ACVR1C: variants seen among roughly 807,000 people sequenced by gnomAD.
The protein encoded by ACVR1C is activin A receptor type 1C.
In ACVR1C, 23 loss-of-function variants were observed where a neutral mutation model predicts 57.9. The observed-to-expected ratio is 0.40, with a 90% CI of 0.29 to 0.56. ACVR1C has a LOEUF of 0.56. Ranked by LOEUF, ACVR1C falls within the 20% of genes least tolerant of loss-of-function variation. The pLI, the probability that ACVR1C is intolerant of heterozygous loss-of-function variation, is 0.50. For synonymous variants in ACVR1C, 214 were observed against 215.3 expected (o/e 0.99, Z 0.05); for missense variants, 480 against 607.9 (o/e 0.79, Z 2.21).
At chr2:157,605,635 A>G (rs1342992482) in intron 1 of ACVR1C, among the ~76,000 whole-genome samples, 2 of 151,664 alleles carry the variant, frequency 1.3e-5, no homozygotes, top group African/African-American at 2.4e-5. Flanking sequence ...CTTATAACCT[A>G]TGGACATCCT....
At chr2:157,615,709 T>C (rs570924897) in intron 1 of ACVR1C, among the ~76,000 whole-genome samples, 3 of 152,214 alleles carry the variant, frequency 2.0e-5, no homozygotes, top group Non-Finnish European at 4.4e-5. Flanking sequence ...AAACTTCATG[T>C]AGTATGGAAT....
chr2:157,563,692 C>T (rs192778696), intron 2 of ACVR1C, among the ~76,000 whole-genome samples: 68 of 152,312 alleles, frequency 4.5e-4, no homozygotes, highest in Admixed American at 3.9e-3. Flanking sequence ...AAGCTGGAGA[C>T]ATCATGCTAC....
At chr2:157,566,688 C>G (rs541447434) in intron 2 of ACVR1C, among the ~76,000 whole-genome samples, 1 of 151,622 alleles carries the variant, frequency 6.6e-6, no homozygotes, top group Non-Finnish European at 1.5e-5. Context: ...GACTATATCC[C>G]ACACCTGGCT....
chr2:157,626,390 G>A (rs1263893887), intron 1 of ACVR1C, among the ~76,000 whole-genome samples: 1 of 152,200 alleles, frequency 6.6e-6, no homozygotes, highest in Non-Finnish European at 1.5e-5. Context: ...AACAATGTGG[G>A]GAATGAGCAG....
intron 2 of ACVR1C, among the ~76,000 whole-genome samples, chr2:157,584,136 A>C (rs1371954410): frequency 2.0e-5 from 3 of 151,992 alleles, no homozygotes; most frequent in African/African-American, 7.2e-5. Context: ...TGTATTCAGA[A>C]TATATAAAGA....
intron 2 of ACVR1C, among the ~76,000 whole-genome samples, chr2:157,577,919 C>T (rs13010282): frequency 0.3 from 45,027 of 151,800 alleles, 7,033 homozygotes; most frequent in African/African-American, 0.32. Context: ...CTCATGCTCC[C>T]ACCCAGGCTG....
At chr2:157,587,137 T>C (rs2105256402) in intron 2 of ACVR1C, 50 bp downstream of exon 2, 3 of 1,466,632 alleles carry the variant, frequency 2.0e-6, no homozygotes, top group East Asian at 2.3e-5. Flanking sequence ...ATTCTTATAG[T>C]TTCCCAAGAG....
intron 1 of ACVR1C, among the ~76,000 whole-genome samples, chr2:157,614,961 A>C (rs533845835): frequency 6.6e-6 from 1 of 152,306 alleles, no homozygotes; most frequent in African/African-American, 2.4e-5. Context: ...TGACAATCTC[A>C]GTCTTTTCAT....
intron 1 of ACVR1C, among the ~76,000 whole-genome samples, chr2:157,618,872 C>A (rs570678099): frequency 2.1e-4 from 31 of 150,724 alleles, no homozygotes; most frequent in African/African-American, 7.5e-4. Context: ...TGTATGTACC[C>A]AAGAACAAAA....
intron 1 of ACVR1C, among the ~76,000 whole-genome samples, chr2:157,608,893 C>T (rs964996480): frequency 6.6e-6 from 1 of 151,620 alleles, no homozygotes; most frequent in Admixed American, 6.6e-5. Flanking sequence ...CAGTTTATGA[C>T]TTTTGTTTAT....
At chr2:157,616,174 A>C (rs1285465112) in intron 1 of ACVR1C, among the ~76,000 whole-genome samples, 1 of 152,074 alleles carries the variant, frequency 6.6e-6, no homozygotes, top group African/African-American at 2.4e-5. Flanking sequence ...TTATTACCCC[A>C]TACCTCTTGG....
At chr2:157,552,384 C>T (rs762921556) in intron 3 of ACVR1C, among the ~76,000 whole-genome samples, 7 of 152,202 alleles carry the variant, frequency 4.6e-5, no homozygotes, top group Non-Finnish European at 8.8e-5. Context: ...CCACCTGCCT[C>T]GGCCTCCCAA....
intron 2 of ACVR1C, among the ~76,000 whole-genome samples, chr2:157,582,760 T>C (rs1688820675): frequency 6.6e-6 from 1 of 152,244 alleles, no homozygotes; most frequent in Non-Finnish European, 1.5e-5. Context: ...CTGTATCTTC[T>C]ATATATCAGA....
chr2:157,590,358 A>T (rs1689032211), intron 1 of ACVR1C, among the ~76,000 whole-genome samples: 1 of 151,866 alleles, frequency 6.6e-6, no homozygotes, highest in South Asian at 2.1e-4. Flanking sequence ...GACAACTTTT[A>T]CTTAACTTCA....
chr2:157,552,131 T>C (rs1025966837), intron 3 of ACVR1C, among the ~76,000 whole-genome samples: 4 of 152,034 alleles, frequency 2.6e-5, no homozygotes, highest in African/African-American at 9.6e-5. Flanking sequence ...TGGTTTGTTT[T>C]GTTTGTTTGT....
At chr2:157,609,243 C>T (rs965304768) in intron 1 of ACVR1C, among the ~76,000 whole-genome samples, 1 of 151,720 alleles carries the variant, frequency 6.6e-6, no homozygotes, top group South Asian at 2.1e-4. Context: ...TGTTTAGGGG[C>T]ATGTTGTTTA....
chr2:157,546,826 C>T (rs1300063631), intron 4 of ACVR1C, among the ~76,000 whole-genome samples: 3 of 150,774 alleles, frequency 2.0e-5, no homozygotes, highest in Non-Finnish European at 3.0e-5. Context: ...TATTTTTTTT[C>T]TTTATTATAC....
chr2:157,611,997 G>T (rs1432361364), intron 1 of ACVR1C, among the ~76,000 whole-genome samples: 1 of 152,214 alleles, frequency 6.6e-6, no homozygotes, highest in Admixed American at 6.5e-5. Flanking sequence ...AAATGGAGCT[G>T]CTTTTATCAG....
intron 2 of ACVR1C, among the ~76,000 whole-genome samples, chr2:157,558,675 T>C (rs559194055): frequency 1.3e-5 from 2 of 152,340 alleles, no homozygotes; most frequent in East Asian, 3.9e-4. Context: ...AAATCATTAG[T>C]AGTTATACAG....
Sources: gnomAD v4.1 joint callset for allele counts (sites outside exome capture counted in the v4.1 genomes callset) on GRCh38, gnomAD v4.1.1 for gene constraint, MANE v1.5 for transcripts, NCBI Gene and HGNC (gene_info 2026-07-23, HGNC 2026-07-21) for gene names.